VAV3: variants seen among roughly 807,000 people sequenced by gnomAD.
VAV3 encodes guanine nucleotide exchange factor VAV3.
Under a neutral mutation model 131.2 loss-of-function variants are expected in VAV3, and 94 were observed. The observed-to-expected ratio is 0.72, with a 90% confidence interval of 0.61 to 0.85. VAV3 has a LOEUF of 0.85. Ranked by LOEUF, VAV3 falls within the 40% of genes least tolerant of loss-of-function variation. The pLI is 0.00. For synonymous variants in VAV3, 349 were observed against 342.0 expected (o/e 1.02, Z -0.22); for missense variants, 939 against 1,002.7 (o/e 0.94, Z 0.86).
intron 25 of VAV3, among the ~76,000 whole-genome samples, chr1:107,594,899 C>T (rs1296157382): frequency 6.6e-6 from 1 of 152,078 alleles, no homozygotes; most frequent in Non-Finnish European, 1.5e-5. Context: ...TCTAACTGAC[C>T]TCCCTGGCAA....
At chr1:107,592,501 A>G (rs1318100077) in intron 25 of VAV3, among the ~76,000 whole-genome samples, 1 of 151,944 alleles carries the variant, frequency 6.6e-6, no homozygotes, top group East Asian at 1.9e-4. Context: ...AAATTACCCA[A>G]CTCTACTCTG....
intron 2 of VAV3, among the ~76,000 whole-genome samples, chr1:107,833,982 A>G (rs933584772): frequency 6.6e-6 from 1 of 152,250 alleles, no homozygotes; most frequent in African/African-American, 2.4e-5. Context: ...TCAGATCTCA[A>G]TAAACCATAA....
intron 15 of VAV3, among the ~76,000 whole-genome samples, chr1:107,737,754 G>T (rs150258442): frequency 3.3e-5 from 5 of 152,168 alleles, no homozygotes; most frequent in African/African-American, 4.8e-5. Flanking sequence ...TACACTGTTG[G>T]TGGGACTGTA....
At chr1:107,751,374 G>A (rs1006630234) in intron 12 of VAV3, among the ~76,000 whole-genome samples, 172 bp from the exon 13 acceptor site, 5 of 152,144 alleles carry the variant, frequency 3.3e-5, no homozygotes, top group Non-Finnish European at 7.3e-5. Flanking sequence ...TGACAAATAA[G>A]TCTGTCCTCT....
At chr1:107,634,295 C>T (rs1654735855) in intron 20 of VAV3, among the ~76,000 whole-genome samples, 1 of 152,116 alleles carries the variant, frequency 6.6e-6, no homozygotes, top group African/African-American at 2.4e-5. Flanking sequence ...TGGAACAGAA[C>T]AGAGCCCTCA....
chr1:107,601,731 T>G (rs1257028945), intron 24 of VAV3, among the ~76,000 whole-genome samples: 1 of 152,190 alleles, frequency 6.6e-6, no homozygotes, highest in Non-Finnish European at 1.5e-5. Flanking sequence ...TTAAATGACA[T>G]ACACAAAATA....
At chr1:107,948,137 T>G (rs1314925908) in intron 1 of VAV3, among the ~76,000 whole-genome samples, 2 of 152,208 alleles carry the variant, frequency 1.3e-5, no homozygotes, top group Non-Finnish European at 2.9e-5. Flanking sequence ...TAATCATTTT[T>G]CAATGCTTTT....
chr1:107,656,435 T>A (rs1570696108), intron 19 of VAV3, among the ~76,000 whole-genome samples: 1 of 152,136 alleles, frequency 6.6e-6, no homozygotes, highest in South Asian at 2.1e-4. Flanking sequence ...AGATAGAGTA[T>A]ATTCATGGTT....
At chr1:107,645,457 C>G (rs528276142) in intron 19 of VAV3, among the ~76,000 whole-genome samples, 1 of 151,844 alleles carries the variant, frequency 6.6e-6, no homozygotes, top group Non-Finnish European at 1.5e-5. Flanking sequence ...AAGGGCACAG[C>G]GATATAATGA....
chr1:107,631,517 T>C (rs1654482005), intron 20 of VAV3, among the ~76,000 whole-genome samples: 1 of 151,974 alleles, frequency 6.6e-6, no homozygotes, highest in Non-Finnish European at 1.5e-5. Flanking sequence ...AGGGTACATG[T>C]GCACAATGTA....
intron 15 of VAV3, among the ~76,000 whole-genome samples, chr1:107,736,516 G>T (rs1301897254): frequency 6.6e-6 from 1 of 152,128 alleles, no homozygotes; most frequent in Non-Finnish European, 1.5e-5. Flanking sequence ...AAAGTCTCAG[G>T]ATACAAAATC....
intron 19 of VAV3, among the ~76,000 whole-genome samples, chr1:107,649,665 C>A (rs1453004741): frequency 6.6e-6 from 1 of 152,008 alleles, no homozygotes; most frequent in Non-Finnish European, 1.5e-5. Context: ...TCAGTCCACT[C>A]ATAAAGGATA....
At chr1:107,657,771 TAAAAC>T (rs1476412298) in intron 19 of VAV3, among the ~76,000 whole-genome samples, 6 of 152,212 alleles carry the variant, frequency 3.9e-5, no homozygotes, top group Non-Finnish European at 8.8e-5. Flanking sequence ...ATTATAAACA[TAAAAC>T]AGAACTGGAT....
intron 21 of VAV3, among the ~76,000 whole-genome samples, chr1:107,613,609 T>G (rs1200093966): frequency 6.6e-6 from 1 of 152,126 alleles, no homozygotes; most frequent in Non-Finnish European, 1.5e-5. Flanking sequence ...AAGTATAAAA[T>G]TTTGAATTTA....
intron 19 of VAV3, among the ~76,000 whole-genome samples, chr1:107,661,937 T>A (rs1376425408): frequency 1.3e-5 from 2 of 152,220 alleles, no homozygotes; most frequent in South Asian, 2.1e-4. Context: ...TACAGATTAG[T>A]TGAGGAAGGT....
intron 2 of VAV3, among the ~76,000 whole-genome samples, chr1:107,818,595 A>G (rs1260034311): frequency 6.6e-6 from 1 of 152,246 alleles, no homozygotes; most frequent in African/African-American, 2.4e-5. Context: ...CCAGGGATTC[A>G]TCTCCAAAAG....
chr1:107,748,823 G>A lies in VAV3; in HGVS notation c.1502+145C>T, dbSNP rs1663517978. Reference sequence around the variant, plus strand: ...TTATCAAGCAGCCAGCAGCCTAGTAGCACTCCTGCTCACAGCAAAAACATT... The same window carrying A: ...TTATCAAGCAGCCAGCAGCCTAGTAACACTCCTGCTCACAGCAAAAACATT... On this transcript the variant is annotated intron_variant, in intron 15 of 26. Coordinates refer to ENST00000370056, the MANE Select transcript of VAV3 (RefSeq NM_006113.5). The A allele has an allele frequency of 8.4e-6, 5 of 598,418 alleles. No homozygotes were observed. In the South Asian group the frequency reaches 1.3e-4, roughly 16 times the overall value. 37.1% of individuals were successfully genotyped at this position (598,418 alleles called of 1,614,324 possible).
intron 25 of VAV3, among the ~76,000 whole-genome samples, chr1:107,589,318 G>A (rs1269703844): frequency 6.6e-6 from 1 of 152,192 alleles, no homozygotes; most frequent in Non-Finnish European, 1.5e-5. Context: ...CTGTATTTGG[G>A]TGGGCCCTAA....
Position 107,591,172 on chromosome 1 carries a change from C to T in VAV3, c.2350+5040G>A, listed in dbSNP as rs142595955. Among the ~76,000 whole-genome samples, 687 of 152,216 alleles carry T rather than the reference C, an allele frequency of 4.5e-3. 1 individual carries two copies. The highest frequency in any genetic ancestry group is 0.01 in the Middle Eastern group (3 of 294). ...GCTCTTGTAGATCCTTTAAGTTTAG[C>T]CTGACTGTCACTTCTTCAAAAAGCC... On this transcript the variant is annotated intron_variant, in intron 25 of 26. Coordinates refer to ENST00000370056, the MANE Select transcript of VAV3 (RefSeq NM_006113.5).
Sources: gnomAD v4.1 joint callset for allele counts (sites outside exome capture counted in the v4.1 genomes callset) on GRCh38, gnomAD v4.1.1 for gene constraint, MANE v1.5 for transcripts, NCBI Gene and HGNC (gene_info 2026-07-23, HGNC 2026-07-21) for gene names.